Variants in C17orf58 observed in about 807,000 individuals in gnomAD.
C17orf58 encodes the protein UPF0450 protein C17orf58.
Under a neutral mutation model 7.4 loss-of-function variants are expected in C17orf58, and 5 were observed. The ratio of observed to expected loss-of-function variants is 0.67; its 90% CI spans 0.35 to 1.42. The LOEUF (loss-of-function observed/expected upper bound fraction) is 1.42. Among genes scored for constraint, C17orf58 ranks in the 40% most tolerant of loss-of-function variants. The pLI is 0.04. For missense variants in C17orf58, 162 were observed against 174.2 expected, an observed-to-expected ratio of 0.93 and a Z score of 0.40; for synonymous variants, 60 against 70.6, an observed-to-expected ratio of 0.85 and a Z score of 0.75.
chr17:67,994,827 A>C (rs762476246), intron 1 of C17orf58, among the ~76,000 whole-genome samples: 3 of 152,116 alleles, frequency 2.0e-5, no homozygotes, highest in Non-Finnish European at 2.9e-5. Context: ...CCCCTGGTTA[A>C]GTATAAAAGC....
chr17:67,994,620 T>C (rs2070877537), intron 1 of C17orf58, among the ~76,000 whole-genome samples: 4 of 151,046 alleles, frequency 2.6e-5, no homozygotes, highest in Non-Finnish European at 5.9e-5. Flanking sequence ...AAAGGTCTCA[T>C]ATTACAGGTT....
Position 67,996,365 on chromosome 17 carries a change from G to T in C17orf58, c.-167C>A, listed in dbSNP as rs1420319962. ...CAGACCATTGGAACAAAACCGAGCC[G>T]CAGGGATTTCTCCCTCTTCCTTCCT... On this transcript the variant is annotated 5_prime_UTR_variant, in exon 1 of 4. Transcript: ENST00000580729. 5 of 388,834 alleles carry T rather than the reference G, an allele frequency of 1.3e-5. No individual in the cohort carries two copies. Among genetic ancestry groups the T allele is most frequent in the African/African-American group, 4.1e-5 (2 of 48,264 alleles). The allele number at this position is 388,834 out of a possible 1,614,324, so 24.1% of individuals were successfully genotyped here.
intron 3 of C17orf58, 105 bp downstream of exon 3, chr17:67,992,939 G>C: frequency 6.2e-7 from 1 of 1,613,996 alleles, no homozygotes; most frequent in South Asian, 1.1e-5. Flanking sequence ...GTTTCCCATC[G>C]CTCCCAAAAA....
At chr17:67,992,762 T>C (rs2070847082) in intron 3 of C17orf58, 2 of 1,142,358 alleles carry the variant, frequency 1.8e-6, no homozygotes, top group Non-Finnish European at 2.5e-6. Context: ...TACAGTCCCT[T>C]CTGGCAATGG....
rs569595442 is a variant in C17orf58 at position 67,991,813 on chromosome 17, C to T, written c.*100G>A. On this transcript the variant is annotated 3_prime_UTR_variant, in exon 4 of 4. Coordinates refer to ENST00000580729, the MANE Select transcript of C17orf58 (RefSeq NM_001382359.1). ...AAGTCATTCACAGAGTAGCTGAGGG[C>T]TCTCTTCTGAAGGAGGACCCATTAC... 1.1e-6 allele frequency: 1 copy of T among 940,926 alleles called. No homozygotes were observed. Among genetic ancestry groups the T allele is most frequent in the Non-Finnish European group, 1.6e-6 (1 of 630,426 alleles). The allele number at this position is 940,926 out of a possible 1,614,324, so 58.3% of individuals were successfully genotyped here.
chr17:67,993,136 A>G lies in C17orf58; in HGVS notation c.737T>C (p.Leu246Pro). The G allele has an allele frequency of 1.9e-6, 3 of 1,614,026 alleles. No individual in the cohort carries two copies. The highest frequency in any genetic ancestry group is 2.5e-6 in the Non-Finnish European group (3 of 1,179,920). The change falls in exon 3 of 4, where the codon CTG becomes CCG. Residue 246 changes from leucine to proline, a missense_variant. Around this residue, in one of 3 missense-constraint regions of C17orf58, gnomAD observed 93 missense variants for 90.4 expected, o/e 1.03. Transcript: ENST00000580729. The surrounding 1 kb of genome is among the most constrained non-coding windows in gnomAD (Gnocchi z 5.1). The part of the protein sequence containing the change: ...DRDGLYKMNR[L>P]YLTPDGFFFR... ...GAAGAAGCCGTCGGGGGTGAGGTACAGGCGGTTCATCTTGTACAGCCCGTC... is the reference window on the plus strand; with the variant it reads ...GAAGAAGCCGTCGGGGGTGAGGTACGGGCGGTTCATCTTGTACAGCCCGTC...
Position 67,992,117 on chromosome 17 carries a change from C to G in C17orf58, c.830-14G>C. On this transcript the variant is annotated splice_polypyrimidine_tract_variant and intron_variant, in intron 3 of 3. Coordinates refer to ENST00000580729, the MANE Select transcript of C17orf58 (RefSeq NM_001382359.1). ...TATACCTGCTGCCTGGACAAAATAA[C>G]CAGAACATTAATTCATAGTGTCTTT... 1 of 1,538,990 alleles carries G rather than the reference C, an allele frequency of 6.5e-7. No homozygotes were observed.
chr17:67,993,297 G>A lies in C17orf58; in HGVS notation c.638-62C>T. The A allele has an allele frequency of 8.0e-6, 9 of 1,121,812 alleles. No homozygotes were observed. The highest frequency in any genetic ancestry group is 1.1e-5 in the Non-Finnish European group (9 of 792,430). 69.5% of individuals were successfully genotyped at this position (1,121,812 alleles called of 1,614,324 possible). ...CCGAGTTCCTCTCCCAGTCCCCCAG[G>A]AGGTGGTTTTTAGCAACCGCGAAAC... On this transcript the variant is annotated intron_variant, in intron 2 of 3. Transcript: ENST00000580729. This position sits in a 1 kb window ranked among gnomAD's most constrained non-coding sequence, Gnocchi z 5.1.
Position 67,993,206 on chromosome 17 carries a change from C to A in C17orf58, c.667G>T (p.Val223Leu). Reference sequence around the variant, plus strand: ...ACCAGCCGGATGCCCGCGCCCAGCACGTCCACATCGTGCACGATCCCGTTC... The same window carrying A: ...ACCAGCCGGATGCCCGCGCCCAGCAAGTCCACATCGTGCACGATCCCGTTC... ...AVNGIVHDVD[V>L]LGAGIRLVTL... Residue 223 changes from valine to leucine, a missense_variant, in exon 3 of 4, where the codon GTG becomes TTG. By Grantham distance (32) the Val-to-Leu change is conservative. Around this residue, in one of 3 missense-constraint regions of C17orf58, gnomAD observed 93 missense variants for 90.4 expected, o/e 1.03. Transcript: ENST00000580729. The surrounding 1 kb of genome is among the most constrained non-coding windows in gnomAD (Gnocchi z 5.1). 6.2e-7 allele frequency: 1 copy of A among 1,605,608 alleles called. No individual in the cohort carries two copies.
rs1555699626 is a variant in C17orf58 at position 67,994,536 on chromosome 17, A to ATATATATATATATATAT, written c.77-553_77-552insATATATATATATATATA. Among the ~76,000 whole-genome samples, 66 of 79,518 alleles carry ATATATATATATATATAT rather than the reference A, an allele frequency of 8.3e-4. 2 individuals are homozygous for ATATATATATATATATAT. The highest frequency in any genetic ancestry group is 3.4e-3 in the South Asian group (7 of 2,034). The allele number at this position is 79,518 out of a possible 152,430, so 52.2% of individuals were successfully genotyped here. On this transcript the variant is annotated intron_variant, in intron 1 of 3. Coordinates refer to ENST00000580729, the MANE Select transcript of C17orf58 (RefSeq NM_001382359.1). ...TGTGTGTATATATATATATATATATAAAACATATATAAACATCCGCCTCTT... is the reference window on the plus strand; with the variant it reads ...TGTGTGTATATATATATATATATATATATATATATATATATATAAACATATATAAACATCCGCCTCTT...
chr17:67,994,512 G>GTATATATATATATA lies in C17orf58; in HGVS notation c.77-529_77-528insTATATATATATATA, dbSNP rs1555699607. ...CGTGTGCGTGTGTGTGTGTGTGTGT[G>GTATATATATATATA]TGTGTATATATATATATATATATAA... is the stretch of plus-strand genomic sequence containing the variant. On this transcript the variant is annotated intron_variant, in intron 1 of 3. Coordinates refer to ENST00000580729, the MANE Select transcript of C17orf58 (RefSeq NM_001382359.1). Among the ~76,000 whole-genome samples the GTATATATATATATA allele has an allele frequency of 9.3e-3, 790 of 85,262 alleles. 6 individuals are homozygous for GTATATATATATATA. The highest frequency in any genetic ancestry group is 0.018 in the African/African-American group (466 of 26,510). The allele number at this position is 85,262 out of a possible 152,430, so 55.9% of individuals were successfully genotyped here.
chr17:67,992,850 T>C, intron 3 of C17orf58, 194 bp downstream of exon 3: 1 of 1,583,240 alleles, frequency 6.3e-7, no homozygotes. Flanking sequence ...GTTCTCACCC[T>C]TGAGGGTGGG....
In C17orf58 at chr17:67,992,856, G is replaced by A. The variant is rs79090657; in HGVS notation, c.829+188C>T. On this transcript the variant is annotated intron_variant, in intron 3 of 3. Coordinates refer to ENST00000580729, the MANE Select transcript of C17orf58 (RefSeq NM_001382359.1). ...ACCCTTGCTGTTCTCACCCTTGAGGGTGGGGGCTGACAGGGCTTAAATCAC... is the reference window on the plus strand; with the variant it reads ...ACCCTTGCTGTTCTCACCCTTGAGGATGGGGGCTGACAGGGCTTAAATCAC... 2,726 of 1,590,706 alleles carry A rather than the reference G, an allele frequency of 1.7e-3. 4 individuals are homozygous for A. The highest frequency in any genetic ancestry group is 2.1e-3 in the South Asian group (181 of 87,292).
At chr17:67,994,516 G>GCATATATATATA (rs1555699619) in intron 1 of C17orf58, among the ~76,000 whole-genome samples, 1 of 89,544 alleles carries the variant, frequency 1.1e-5, no homozygotes, top group Non-Finnish European at 2.4e-5. Flanking sequence ...GTGTGTGTGT[G>GCATATATATATA]TATATATATA....
At chr17:67,995,039 A>G (rs2070880807) in intron 1 of C17orf58, among the ~76,000 whole-genome samples, 1 of 152,178 alleles carries the variant, frequency 6.6e-6, no homozygotes, top group African/African-American at 2.4e-5. Flanking sequence ...CCTGGGTCCC[A>G]GTGCCCTCCA....
At chr17:67,992,572 A>C (rs1555699358) in intron 3 of C17orf58, among the ~76,000 whole-genome samples, 1 of 83,918 alleles carries the variant, frequency 1.2e-5, no homozygotes, top group Non-Finnish European at 2.4e-5. Context: ...AATCTCAAAA[A>C]AAAAAAAAAA....
chr17:67,995,721 G>GC (rs574262223), intron 1 of C17orf58, among the ~76,000 whole-genome samples: 1,605 of 152,104 alleles, frequency 0.011, 21 homozygotes, highest in South Asian at 0.027. Flanking sequence ...CCTCCACAGC[G>GC]CCCCCCGCAG....
At position 67,992,032 on chromosome 17, in the gene C17orf58, G is replaced by A; in HGVS notation, c.901C>T (p.Leu301=). Residue 301 remains leucine, a synonymous_variant, in exon 4 of 4, where the codon CTG becomes TTG. Coordinates refer to ENST00000580729, the MANE Select transcript of C17orf58 (RefSeq NM_001382359.1). The part of the protein sequence containing the change: ...RQLPTALLQV[L]RGRLRPGDGL... Reference sequence around the variant, plus strand: ...TCCCCTGGACGGAGGCGGCCTCTCAGGACCTGGAGCAGAGCTGTAGGGAGC... The same window carrying A: ...TCCCCTGGACGGAGGCGGCCTCTCAAGACCTGGAGCAGAGCTGTAGGGAGC... 6.2e-7 allele frequency: 1 copy of A among 1,612,838 alleles called. No homozygotes were observed. Among genetic ancestry groups the A allele is most frequent in the Non-Finnish European group, 8.5e-7 (1 of 1,179,460 alleles).
At position 67,993,382 on chromosome 17, in the gene C17orf58, G is replaced by T. The variant is rs1210907110; in HGVS notation, c.637+42C>A. On this transcript the variant is annotated intron_variant, in intron 2 of 3. Coordinates refer to ENST00000580729, the MANE Select transcript of C17orf58 (RefSeq NM_001382359.1). The surrounding 1 kb of genome is among the most constrained non-coding windows in gnomAD (Gnocchi z 5.1). ...GGCGGATTCTCCGGGGCTCGGAAAG[G>T]CTCGCGGGGCGGCGGGGCGGCGGCG... is the stretch of plus-strand genomic sequence containing the variant. 3.4e-6 allele frequency: 2 copies of T among 595,992 alleles called. No homozygotes were observed. The highest frequency in any genetic ancestry group is 5.9e-5 in the East Asian group (2 of 33,876). 36.9% of individuals were successfully genotyped at this position (595,992 alleles called of 1,614,324 possible).
Sources: gnomAD v4.1 joint callset for allele counts (sites outside exome capture counted in the v4.1 genomes callset) on GRCh38, gnomAD v4.1.1 for gene constraint, gnomAD v4.1.1 regional missense constraint, Gnocchi (gnomAD v3.1) non-coding constraint, MANE v1.5 for transcripts, NCBI Gene and HGNC (gene_info 2026-07-23, HGNC 2026-07-21) for gene names.